The following DDX60 variants were observed in gnomAD, a reference collection of about 807,000 sequenced individuals.
DDX60 encodes the protein DExD/H-box helicase 60, also known as probable ATP-dependent RNA helicase DDX60.
A neutral mutation model predicts 212.8 loss-of-function variants in DDX60; 165 were observed. The observed-to-expected ratio is 0.78, with a 90% CI of 0.68 to 0.88. The LOEUF (loss-of-function observed/expected upper bound fraction) is 0.88. Among genes scored for constraint, DDX60 ranks in the 40% least tolerant of loss-of-function variants. The probability of loss-of-function intolerance (pLI) is 0.00; values close to 1 mark genes in which losing one functional copy is unlikely to be tolerated. For synonymous variants in DDX60, 703 were observed against 685.3 expected (o/e 1.03, Z -0.40); for missense variants, 1,905 against 2,003.9 (o/e 0.95, Z 0.94).
intron 8 of DDX60, among the ~76,000 whole-genome samples, chr4:168,289,838 G>C (rs1736010846): frequency 6.6e-6 from 1 of 151,932 alleles, no homozygotes; most frequent in African/African-American, 2.4e-5. Flanking sequence ...TCTTAAAATT[G>C]CCCAGTGCTA....
intron 32 of DDX60, 32 bp from the exon 33 acceptor site, chr4:168,236,405 T>C (rs1733633086): frequency 1.9e-6 from 3 of 1,544,960 alleles, no homozygotes; most frequent in South Asian, 2.4e-5. Context: ...CTTGTAAATA[T>C]GAAAGGGTAT....
chr4:168,273,559 T>C (rs905069922), intron 17 of DDX60, among the ~76,000 whole-genome samples, 161 bp from the exon 18 acceptor site: 3 of 152,196 alleles, frequency 2.0e-5, no homozygotes, highest in African/African-American at 7.2e-5. Flanking sequence ...ATATTCTCTT[T>C]GAGATAGTTG....
At chr4:168,274,459 G>C (rs1288080477) in intron 16 of DDX60, among the ~76,000 whole-genome samples, 2 of 152,284 alleles carry the variant, frequency 1.3e-5, no homozygotes, top group South Asian at 4.1e-4. Context: ...TTTTACTACT[G>C]ATATTCTACT....
intron 5 of DDX60, among the ~76,000 whole-genome samples, chr4:168,304,571 C>T (rs1250729248): frequency 2.0e-5 from 3 of 151,850 alleles, no homozygotes; most frequent in Non-Finnish European, 4.4e-5. Flanking sequence ...CATGGTGGTG[C>T]GCACCTGTAA....
At chr4:168,312,564 G>T (rs915925532) in intron 1 of DDX60, among the ~76,000 whole-genome samples, 1 of 151,994 alleles carries the variant, frequency 6.6e-6, no homozygotes, top group African/African-American at 2.4e-5. Flanking sequence ...TACTAAAGAG[G>T]TAGATGAAAA....
intron 35 of DDX60, among the ~76,000 whole-genome samples, chr4:168,223,793 G>A (rs1447891557): frequency 3.3e-5 from 5 of 152,014 alleles, no homozygotes; most frequent in African/African-American, 1.2e-4. Context: ...TTTGTATTAA[G>A]ATATAAATTA....
chr4:168,248,675 C>T (rs1734105209), intron 28 of DDX60, among the ~76,000 whole-genome samples: 1 of 152,144 alleles, frequency 6.6e-6, no homozygotes, highest in Admixed American at 6.5e-5. Flanking sequence ...TGTTTGTTCA[C>T]TTGTCTTATA....
the DDX60 span, among the ~76,000 whole-genome samples, chr4:168,324,076 C>A: frequency 6.6e-6 from 1 of 152,142 alleles, no homozygotes; most frequent in Non-Finnish European, 1.5e-5. Flanking sequence ...AGACTCAGGA[C>A]AGGGGAGACC....
chr4:168,288,217 C>T lies in DDX60; in HGVS notation c.1140G>A (p.Leu380=). The T allele has an allele frequency of 6.6e-7, 1 of 1,520,800 alleles. No individual in the cohort carries two copies. Among genetic ancestry groups the T allele is most frequent in the Non-Finnish European group, 9.0e-7 (1 of 1,113,560 alleles). The allele number at this position is 1,520,800 out of a possible 1,614,324, so 94.2% of individuals were successfully genotyped here. ...IHLSDLNDEL[L]LKNIAFYYEN... ...CATAGTAAAAAGCAATATTCTTCAACAAAAGCTCATCATTTAAGTCAGAAA... is the reference window on the plus strand; with the variant it reads ...CATAGTAAAAAGCAATATTCTTCAATAAAAGCTCATCATTTAAGTCAGAAA... The change falls in exon 9 of 38, where the codon TTG becomes TTA. Residue 380 remains leucine, a synonymous_variant. Transcript: ENST00000393743.
intron 28 of DDX60, among the ~76,000 whole-genome samples, chr4:168,250,158 T>A (rs1468755639): frequency 2.6e-5 from 4 of 152,216 alleles, no homozygotes; most frequent in African/African-American, 9.6e-5. Flanking sequence ...TTGTTCATTA[T>A]CACTGATAGG....
chr4:168,231,814 T>A (rs1733466235), intron 33 of DDX60, among the ~76,000 whole-genome samples: 1 of 151,938 alleles, frequency 6.6e-6, no homozygotes, highest in African/African-American at 2.4e-5. Context: ...AAGAAAAGGA[T>A]GCCCATTTTC....
chr4:168,290,208 C>T (rs931764032), intron 8 of DDX60, among the ~76,000 whole-genome samples: 3 of 152,170 alleles, frequency 2.0e-5, no homozygotes, highest in African/African-American at 7.2e-5. Flanking sequence ...GATAATCACA[C>T]ATGCTGCTTC....
chr4:168,302,039 G>A (rs953019722), intron 6 of DDX60, among the ~76,000 whole-genome samples: 1 of 152,016 alleles, frequency 6.6e-6, no homozygotes, highest in Non-Finnish European at 1.5e-5. Flanking sequence ...CTGAATGGAT[G>A]TGGTATCCTG....
chr4:168,249,962 C>T (rs1734156881), intron 28 of DDX60, among the ~76,000 whole-genome samples: 1 of 152,034 alleles, frequency 6.6e-6, no homozygotes, highest in Admixed American at 6.6e-5. Flanking sequence ...ATATGTCATA[C>T]AAAATTCAAT....
At chr4:168,239,097 G>A (rs1284663488) in intron 30 of DDX60, among the ~76,000 whole-genome samples, 1 of 152,092 alleles carries the variant, frequency 6.6e-6, no homozygotes, top group Non-Finnish European at 1.5e-5. Context: ...AAGAAAAATT[G>A]ATCATCTTCC....
intron 31 of DDX60, 113 bp from the exon 32 acceptor site, chr4:168,237,540 T>C: frequency 8.2e-7 from 1 of 1,222,448 alleles, no homozygotes; most frequent in Non-Finnish European, 1.1e-6. Context: ...TATTTATAAC[T>C]ATTACTGGGC....
chr4:168,322,745 A>G (rs774219256), upstream of DDX60, among the ~76,000 whole-genome samples: 3 of 152,232 alleles, frequency 2.0e-5, no homozygotes, highest in Non-Finnish European at 4.4e-5. Flanking sequence ...GAAGTTTGAC[A>G]GCAGTTTATT....
chr4:168,266,197 T>C (rs901774973), intron 22 of DDX60, among the ~76,000 whole-genome samples: 3 of 152,216 alleles, frequency 2.0e-5, no homozygotes, highest in Non-Finnish European at 4.4e-5. Context: ...ACTTTCCTCA[T>C]TGTAAAGTGG....
intron 29 of DDX60, 64 bp downstream of exon 29, chr4:168,248,124 T>G (rs1417905491): frequency 9.4e-7 from 1 of 1,063,608 alleles, no homozygotes; most frequent in African/African-American, 1.6e-5. Context: ...AAGGTTCACA[T>G]GTTTTACTAC....
Sources: allele counts gnomAD v4.1 joint callset (sites outside exome capture counted in the v4.1 genomes callset), GRCh38; gene constraint gnomAD v4.1.1; transcripts MANE v1.5; gene names NCBI Gene and HGNC (gene_info 2026-07-23, HGNC 2026-07-21).